PSMD12: variants seen among roughly 807,000 people sequenced by gnomAD.
The protein encoded by PSMD12 is proteasome 26S subunit, non-ATPase 12.
In PSMD12, 8 loss-of-function variants were observed where a neutral mutation model predicts 62.9. That is an observed-to-expected ratio of 0.13 (90% CI 0.07 to 0.23). The LOEUF is 0.23. Among genes scored for constraint, PSMD12 ranks in the 10% least tolerant of loss-of-function variants. PSMD12 has a pLI of 1.00. For synonymous variants in PSMD12, 173 were observed against 187.4 expected (o/e 0.92, Z 0.63); for missense variants, 424 against 550.2 (o/e 0.77, Z 2.29).
intron 8 of PSMD12, 131 bp from the exon 9 acceptor site, chr17:67,344,911 T>C: frequency 4.1e-6 from 3 of 734,224 alleles, no homozygotes; most frequent in South Asian, 2.7e-5. Context: ...AGACACCATA[T>C]GATTATTGTG....
chr17:67,358,567 C>CAAAAAAAAAACAAAAAA (rs2042098953), intron 1 of PSMD12, among the ~76,000 whole-genome samples: 1 of 74,076 alleles, frequency 1.3e-5, no homozygotes, highest in Admixed American at 1.8e-4. Context: ...GAACCTGTCT[C>CAAAAAAAAAACAAAAAA]AAAAAAAAAA....
intron 9 of PSMD12, 32 bp from the exon 10 acceptor site, chr17:67,342,295 G>A (rs752678333): frequency 2.3e-5 from 32 of 1,380,852 alleles, no homozygotes; most frequent in Middle Eastern, 1.8e-4. Context: ...GGGAGAACAC[G>A]TAACATTTGT....
Position 67,340,893 on chromosome 17 carries a change from T to C in PSMD12, c.1321A>G (p.Lys441Glu), listed in dbSNP as rs943262753. The C allele has an allele frequency of 1.9e-6, 3 of 1,597,526 alleles. No individual in the cohort carries two copies. Among genetic ancestry groups the C allele is most frequent in the Non-Finnish European group, 2.6e-6 (3 of 1,175,256 alleles). ...TCTTTGGCTATGAGATGCGTAGTTTTGTTAACCAGAGACATTAATGAGTTC... is the reference window on the plus strand; with the variant it reads ...TCTTTGGCTATGAGATGCGTAGTTTCGTTAACCAGAGACATTAATGAGTTC... ...KLNSLMSLVN[K>E]TTHLIAKEEM... The change falls in exon 11 of 11, where the codon AAA becomes GAA. Residue 441 changes from lysine to glutamate, a missense_variant. Lys to Glu is a moderately conservative substitution (Grantham distance 56). Transcript: ENST00000356126.
In PSMD12 at chr17:67,340,426, T is replaced by C. The variant is rs950922794; in HGVS notation, c.*417A>G. ...ATGACTGATAGCTTTACAATGAGAT[T>C]TGTTTTATTTAAAAAACACTTGCCA... On this transcript the variant is annotated 3_prime_UTR_variant, in exon 11 of 11. Transcript: ENST00000356126. The C allele has an allele frequency of 3.2e-5, 5 of 155,802 alleles. No homozygotes were observed. Among genetic ancestry groups the C allele is most frequent in the African/African-American group, 1.2e-4 (5 of 41,498 alleles). The allele number at this position is 155,802 out of a possible 1,614,324, so 9.7% of individuals were successfully genotyped here.
At chr17:67,345,500 G>A (rs1310820555) in intron 8 of PSMD12, 4 of 377,600 alleles carry the variant, frequency 1.1e-5, no homozygotes, top group South Asian at 3.1e-5. Flanking sequence ...AAATTAGCTC[G>A]GCATGGTAGC....
intron 1 of PSMD12, among the ~76,000 whole-genome samples, chr17:67,358,113 G>A (rs182890068): frequency 6.6e-6 from 1 of 152,060 alleles, no homozygotes; most frequent in African/African-American, 2.4e-5. Flanking sequence ...TGTAGAGATG[G>A]GCTTTCACCA....
At chr17:67,351,187 C>T (rs1459680311) in intron 3 of PSMD12, among the ~76,000 whole-genome samples, 1 of 151,840 alleles carries the variant, frequency 6.6e-6, no homozygotes, top group African/African-American at 2.4e-5. Context: ...GTCAGGAGAT[C>T]GAGACCAACC....
chr17:67,341,881 G>A (rs1453473497), intron 10 of PSMD12, among the ~76,000 whole-genome samples: 2 of 152,152 alleles, frequency 1.3e-5, no homozygotes, highest in African/African-American at 4.8e-5. Context: ...CACCTAAACT[G>A]TCACAGATCC....
Position 67,357,539 on chromosome 17 carries a change from G to A in PSMD12, c.148C>T (p.Leu50=). The change falls in exon 2 of 11, where the codon CTG becomes TTG. Residue 50 remains leucine (L), a synonymous_variant. Coordinates refer to ENST00000356126, the MANE Select transcript of PSMD12 (RefSeq NM_002816.5). ...LQEVIETLLS[L]EKQTRTASDM... ...CTCACAGTACGAGTCTGCTTTTCCA[G>A]AGAGAGAAGGGTTTCAATGACTTCT... 1 of 1,613,726 alleles carries A rather than the reference G, an allele frequency of 6.2e-7. No individual in the cohort carries two copies. Among genetic ancestry groups the A allele is most frequent in the Admixed American group, 1.7e-5 (1 of 60,022 alleles).
At position 67,347,264 on chromosome 17, in the gene PSMD12, G is replaced by C; in HGVS notation, c.661-14C>G. 6.2e-7 allele frequency: 1 copy of C among 1,612,814 alleles called. No homozygotes were observed. Among genetic ancestry groups the C allele is most frequent in the Non-Finnish European group, 8.5e-7 (1 of 1,179,484 alleles). ...CAACTTTAATTTCTGCAAAAAAGTT[G>C]ACAAAACAAATTGGGGTTTATGGGT... On this transcript the variant is annotated splice_polypyrimidine_tract_variant and intron_variant, in intron 6 of 10. Coordinates refer to ENST00000356126, the MANE Select transcript of PSMD12 (RefSeq NM_002816.5).
intron 3 of PSMD12, among the ~76,000 whole-genome samples, chr17:67,355,701 G>T (rs1345873533): frequency 6.6e-6 from 1 of 151,854 alleles, no homozygotes; most frequent in East Asian, 1.9e-4. Flanking sequence ...CTTGTACAGG[G>T]GAACATTTAA....
At chr17:67,357,705 A>G (rs1377694241) in intron 1 of PSMD12, 127 bp from the exon 2 acceptor site, 11 of 891,010 alleles carry the variant, frequency 1.2e-5, no homozygotes, top group East Asian at 2.6e-5. Flanking sequence ...AGGACTACCC[A>G]TAACTAGTTT....
chr17:67,357,117 TAA>T, intron 3 of PSMD12, 184 bp downstream of exon 3: 2 of 594,930 alleles, frequency 3.4e-6, no homozygotes, highest in South Asian at 6.2e-5. Context: ...TGCAAACATA[TAA>T]AGACTAGAAG....
chr17:67,350,136 TA>T (rs2042003763), intron 4 of PSMD12, 92 bp downstream of exon 4: 1 of 763,236 alleles, frequency 1.3e-6, no homozygotes, highest in Non-Finnish European at 2.0e-6. Flanking sequence ...AAAATAAACA[TA>T]AAAATATACA....
intron 8 of PSMD12, among the ~76,000 whole-genome samples, chr17:67,345,081 GAAGC>G (rs2041951943): frequency 6.6e-6 from 1 of 152,162 alleles, no homozygotes; most frequent in South Asian, 2.1e-4. Flanking sequence ...TGTTTATGAT[GAAGC>G]AAGTCTATTT....
chr17:67,338,922 C>T lies in PSMD12; in HGVS notation c.*1921G>A, dbSNP rs1029200438. The stretch of plus-strand genomic sequence containing the variant: ...ATAGCAACCTATTTGGCCAAATAGT[C>T]CAGGTTTGACAAGCCCACAGGTAAT... On this transcript the variant is annotated 3_prime_UTR_variant, in exon 11 of 11. Coordinates refer to ENST00000356126, the MANE Select transcript of PSMD12 (RefSeq NM_002816.5). 5 of 152,066 alleles carry T rather than the reference C, an allele frequency of 3.3e-5. No homozygotes were observed. The highest frequency in any genetic ancestry group is 4.8e-5 in the African/African-American group (2 of 41,406). The allele number at this position is 152,066 out of a possible 1,614,324, so 9.4% of individuals were successfully genotyped here.
intron 1 of PSMD12, among the ~76,000 whole-genome samples, chr17:67,364,669 G>T (rs921047697): frequency 2.6e-5 from 4 of 152,196 alleles, no homozygotes; most frequent in African/African-American, 9.7e-5. Flanking sequence ...ACCTTGGCCT[G>T]TATGTTTTGT....
At chr17:67,349,113 G>A (rs770808204) in intron 4 of PSMD12, among the ~76,000 whole-genome samples, 4 of 152,144 alleles carry the variant, frequency 2.6e-5, no homozygotes, top group Non-Finnish European at 5.9e-5. Flanking sequence ...TCTACCTCCC[G>A]GGTTCAACTG....
At chr17:67,364,542 G>C (rs1417596880) in intron 1 of PSMD12, among the ~76,000 whole-genome samples, 2 of 152,166 alleles carry the variant, frequency 1.3e-5, no homozygotes, top group Non-Finnish European at 2.9e-5. Context: ...CAGTAGACTG[G>C]TATTAACAGA....
Sources: allele counts gnomAD v4.1 joint callset (sites outside exome capture counted in the v4.1 genomes callset), GRCh38; gene constraint gnomAD v4.1.1; transcripts MANE v1.5; gene names NCBI Gene and HGNC (gene_info 2026-07-23, HGNC 2026-07-21).